The following HSPA12A variants were observed in gnomAD, a reference collection of about 807,000 sequenced individuals.
HSPA12A encodes the protein heat shock 70 kDa protein 12A.
In HSPA12A, 28 loss-of-function variants were observed where a neutral mutation model predicts 69.2. The observed-to-expected ratio is 0.40, with a 90% confidence interval of 0.30 to 0.55. The LOEUF (loss-of-function observed/expected upper bound fraction) is 0.55, where lower values mean the gene tolerates loss of function less well. Ranked by LOEUF, HSPA12A falls within the 20% of genes least tolerant of loss-of-function variation. The probability of loss-of-function intolerance (pLI) is 0.38; values close to 1 mark genes in which losing one functional copy is unlikely to be tolerated. For missense variants in HSPA12A, 686 were observed against 900.7 expected (o/e 0.76, Z 3.05); for synonymous variants, 345 against 370.5 (o/e 0.93, Z 0.79).
chr10:116,747,372 G>A (rs151017734), upstream of HSPA12A, among the ~76,000 whole-genome samples: 111 of 152,290 alleles, frequency 7.3e-4, no homozygotes, highest in African/African-American at 8.4e-4. Context: ...GCAATGGCTC[G>A]TCTATGGTTA....
rs576217586 is a variant in HSPA12A, at chr10:116,823,972, C to T, written c.91+10963G>A. Among the ~76,000 whole-genome samples the T allele has an allele frequency of 8.8e-4, 134 of 152,162 alleles. 1 individual carries two copies. Among genetic ancestry groups the T allele is most frequent in the African/African-American group, 3.2e-3 (133 of 41,530 alleles). On this transcript the variant is annotated intron_variant, in intron 2 of 12. Transcript: ENST00000635765. ...TCATCAAGAAGGTGAAAAGGCAACA[C>T]ACAGAATGGGAAAAAATATTTGCAA...
At chr10:116,736,329 A>G (rs569292126) in intron 1 of HSPA12A, among the ~76,000 whole-genome samples, 1 of 152,258 alleles carries the variant, frequency 6.6e-6, no homozygotes, top group East Asian at 1.9e-4. Flanking sequence ...CTAATGTACA[A>G]CACGGAGGAG....
intron 2 of HSPA12A, among the ~76,000 whole-genome samples, chr10:116,794,519 G>T (rs1188012663): frequency 1.3e-5 from 2 of 152,088 alleles, no homozygotes; most frequent in Non-Finnish European, 2.9e-5. Flanking sequence ...ATAGTAAAAA[G>T]ATAATAGTTT....
chr10:116,777,042 G>T (rs1374885773), intron 2 of HSPA12A, among the ~76,000 whole-genome samples: 3 of 152,198 alleles, frequency 2.0e-5, no homozygotes, highest in Admixed American at 2.0e-4. Flanking sequence ...CTCCTGGGTG[G>T]ACCATGGCTC....
At chr10:116,677,196 A>G (rs1005045027) in intron 10 of HSPA12A, among the ~76,000 whole-genome samples, 1 of 152,196 alleles carries the variant, frequency 6.6e-6, no homozygotes, top group African/African-American at 2.4e-5. Context: ...GAAGTTAAAT[A>G]CCATGTCTGT....
At chr10:116,830,538 C>T (rs76950672) in intron 2 of HSPA12A, 1 of 151,452 alleles carries the variant, frequency 6.6e-6, no homozygotes, top group East Asian at 1.9e-4. Context: ...ACTTTGGGAG[C>T]AAAGTTGGGT....
At chr10:116,849,176 C>T (rs1049267414) in intron 1 of HSPA12A, among the ~76,000 whole-genome samples, 1 of 152,218 alleles carries the variant, frequency 6.6e-6, no homozygotes, top group East Asian at 1.9e-4. Context: ...AGACGCTGGG[C>T]CACTGGGACC....
intron 1 of HSPA12A, among the ~76,000 whole-genome samples, chr10:116,736,887 A>G (rs1038682871): frequency 2.6e-5 from 4 of 152,210 alleles, no homozygotes; most frequent in Non-Finnish European, 5.9e-5. Flanking sequence ...GTTTTACAAC[A>G]GCAATAGGAA....
intron 2 of HSPA12A, among the ~76,000 whole-genome samples, chr10:116,761,942 A>C (rs891374770): frequency 1.3e-5 from 2 of 152,194 alleles, no homozygotes; most frequent in Non-Finnish European, 2.9e-5. Flanking sequence ...AGACTACAGG[A>C]AAGTTTCAAT....
chr10:116,736,659 G>A (rs1564802153), intron 1 of HSPA12A, among the ~76,000 whole-genome samples: 2 of 152,166 alleles, frequency 1.3e-5, no homozygotes, highest in Non-Finnish European at 2.9e-5. Context: ...TGATGGGCTT[G>A]GAAGATGGAG....
chr10:116,840,284 T>C (rs1362562831), intron 1 of HSPA12A, among the ~76,000 whole-genome samples: 1 of 152,198 alleles, frequency 6.6e-6, no homozygotes, highest in African/African-American at 2.4e-5. Flanking sequence ...AATTTCTTGG[T>C]TTAGAATTTA....
intron 1 of HSPA12A, among the ~76,000 whole-genome samples, chr10:116,720,337 C>A (rs2133022754): frequency 6.6e-6 from 1 of 152,336 alleles, no homozygotes; most frequent in Middle Eastern, 3.4e-3. Flanking sequence ...AGTGGTTAAT[C>A]TAGCTGCGGA....
chr10:116,692,980 T>G (rs1849778212), intron 5 of HSPA12A, among the ~76,000 whole-genome samples: 1 of 152,230 alleles, frequency 6.6e-6, no homozygotes, highest in Non-Finnish European at 1.5e-5. Context: ...ATGGGAATAC[T>G]GAGACTTTGA....
intron 2 of HSPA12A, among the ~76,000 whole-genome samples, chr10:116,767,300 G>A (rs1024990433): frequency 2.0e-5 from 3 of 152,192 alleles, no homozygotes; most frequent in Non-Finnish European, 4.4e-5. Flanking sequence ...CTCATCCACT[G>A]ATTTATTCTC....
intron 2 of HSPA12A, among the ~76,000 whole-genome samples, chr10:116,774,103 G>A (rs1362262164): frequency 5.3e-5 from 8 of 151,150 alleles, no homozygotes; most frequent in South Asian, 2.1e-4. Flanking sequence ...TCCGCCTCCC[G>A]GGTTCACGCC....
chr10:116,787,919 A>T (rs970259750), intron 2 of HSPA12A, among the ~76,000 whole-genome samples: 1 of 152,094 alleles, frequency 6.6e-6, no homozygotes, highest in Non-Finnish European at 1.5e-5. Context: ...CTCTGAAGGT[A>T]GGAGTCTGCT....
At chr10:116,734,997 G>GA (rs578138998) in intron 1 of HSPA12A, among the ~76,000 whole-genome samples, 9 of 151,550 alleles carry the variant, frequency 5.9e-5, no homozygotes, top group African/African-American at 1.9e-4. Context: ...GTCTCGAAAA[G>GA]AAAAAAAAGA....
chr10:116,724,781 C>A (rs924889636), intron 1 of HSPA12A, among the ~76,000 whole-genome samples: 64 of 152,182 alleles, frequency 4.2e-4, no homozygotes, highest in African/African-American at 1.5e-3. Flanking sequence ...GGGTGCCCTG[C>A]GGCCCAGAGC....
chr10:116,703,529 G>T (rs1229238960), intron 3 of HSPA12A, among the ~76,000 whole-genome samples: 1 of 112,938 alleles, frequency 8.9e-6, no homozygotes, highest in Non-Finnish European at 1.9e-5. Flanking sequence ...ACAAGAGCCT[G>T]TCTCTTAAAA....
Sources: allele counts gnomAD v4.1 joint callset (sites outside exome capture counted in the v4.1 genomes callset), GRCh38; gene constraint gnomAD v4.1.1; transcripts MANE v1.5; gene names NCBI Gene and HGNC (gene_info 2026-07-23, HGNC 2026-07-21).